Variants in HIP1 observed in about 807,000 individuals in gnomAD.
The protein encoded by HIP1 is huntingtin interacting protein 1, also known as huntingtin-interacting protein 1.
Under a neutral mutation model 147.6 loss-of-function variants are expected in HIP1, and 65 were observed. The ratio of observed to expected loss-of-function variants is 0.44; its 90% CI spans 0.36 to 0.54. HIP1 has a LOEUF of 0.54. Ranked by LOEUF, HIP1 falls within the 20% of genes least tolerant of loss-of-function variation. HIP1 has a pLI of 0.00. For missense variants in HIP1, 1,061 were observed against 1,299.6 expected, an observed-to-expected ratio of 0.82 and a Z score of 2.82; for synonymous variants, 479 against 504.0, an observed-to-expected ratio of 0.95 and a Z score of 0.67.
At chr7:75,635,478 T>TAAGGCAGGAGAATCGCTTG (rs1554509514) in intron 1 of HIP1, among the ~76,000 whole-genome samples, 2 of 148,376 alleles carry the variant, frequency 1.3e-5, no homozygotes, top group East Asian at 4.0e-4. Flanking sequence ...CTCGGGAGGC[T>TAAGGCAGGAGAATCGCTTG]AAGGCAGGAG....
At chr7:75,564,989 G>A (rs111647436) in intron 9 of HIP1, among the ~76,000 whole-genome samples, 4,840 of 152,128 alleles carry the variant, frequency 0.032, 120 homozygotes, top group Middle Eastern at 0.089. Context: ...TCAACCTCCT[G>A]GGCTCAAGCG....
intron 17 of HIP1, among the ~76,000 whole-genome samples, 161 bp downstream of exon 17, chr7:75,556,549 G>C (rs947798001): frequency 2.0e-5 from 3 of 152,170 alleles, no homozygotes; most frequent in Non-Finnish European, 2.9e-5. Flanking sequence ...GCCAGGTGTA[G>C]GGGTGTGTGC....
chr7:75,691,616 T>G (rs1800455899), intron 1 of HIP1, among the ~76,000 whole-genome samples: 1 of 151,714 alleles, frequency 6.6e-6, no homozygotes. Context: ...CTGGCCAGCA[T>G]GGTGAAACCC....
intron 1 of HIP1, among the ~76,000 whole-genome samples, chr7:75,720,777 G>A (rs1040595063): frequency 3.3e-5 from 5 of 151,750 alleles, no homozygotes; most frequent in African/African-American, 4.8e-5. Flanking sequence ...GGTGGCTCAC[G>A]CCTATAATCC....
intron 17 of HIP1, 43 bp downstream of exon 17, chr7:75,556,667 C>G (rs1795016038): frequency 8.0e-7 from 1 of 1,252,384 alleles, no homozygotes; most frequent in South Asian, 1.2e-5. Flanking sequence ...ACCTGAGTGA[C>G]AGAAGAAGAC....
intron 30 of HIP1, 116 bp downstream of exon 30, chr7:75,539,207 G>T: frequency 1.4e-6 from 1 of 704,644 alleles, no homozygotes; most frequent in Non-Finnish European, 2.5e-6. Context: ...GAGAAGAGAA[G>T]GAAGAAGCCA....
At chr7:75,632,951 A>G (rs1185655148) in intron 1 of HIP1, among the ~76,000 whole-genome samples, 9 of 152,210 alleles carry the variant, frequency 5.9e-5, no homozygotes, top group Admixed American at 1.3e-4. Flanking sequence ...GTAGGACCTG[A>G]GTGATGAGAA....
chr7:75,645,373 TGCACCACC>T (rs1421532152), intron 1 of HIP1, among the ~76,000 whole-genome samples: 3 of 152,010 alleles, frequency 2.0e-5, no homozygotes, highest in African/African-American at 7.2e-5. Flanking sequence ...ATTATAGGCA[TGCACCACC>T]ACACCCAGCT....
Position 75,595,226 on chromosome 7 carries a change from T to TCC in HIP1, c.185-2713_185-2712insGG, listed in dbSNP as rs1554501653. 1.8e-4 allele frequency among the ~76,000 whole-genome samples: 19 copies of TCC among 103,728 alleles called. No homozygotes were observed. In the East Asian group the frequency reaches 2.3e-3, roughly 13 times the overall value. 68.0% of individuals were successfully genotyped at this position (103,728 alleles called of 152,430 possible). A position where few individuals can be genotyped will look rare whatever the true frequency, so the allele number is the denominator to read the frequency against. On this transcript the variant is annotated intron_variant, in intron 2 of 30. Transcript: ENST00000336926. ...TTTCTTTCTTTCTTTCTTTCTTTCT[T>TCC]TCTTTCTTTCTTTCTTTCTTTCTTT...
chr7:75,655,586 AAAAAG>A lies in HIP1; in HGVS notation c.121-56344_121-56340del, dbSNP rs1204729555. Among the ~76,000 whole-genome samples the A allele has an allele frequency of 1.1e-3, 168 of 150,834 alleles. 1 individual carries two copies. The highest frequency in any genetic ancestry group is 9.9e-4 in the Non-Finnish European group (67 of 67,542). ...GACAGAGTGAGCTCTGTCTCAAAAA[AAAAAG>A]AAAAGAAAAGAAAAGAAAAAGACAA... On this transcript the variant is annotated intron_variant, in intron 1 of 30. Transcript: ENST00000336926.
chr7:75,611,781 T>C (rs1797446913), intron 1 of HIP1: 2 of 1,037,476 alleles, frequency 1.9e-6, no homozygotes, highest in Non-Finnish European at 2.3e-6. Flanking sequence ...AGGGTGGCAT[T>C]GTCCACCACT....
chr7:75,550,205 T>C (rs1794731305), intron 22 of HIP1, among the ~76,000 whole-genome samples: 1 of 152,128 alleles, frequency 6.6e-6, no homozygotes, highest in Admixed American at 6.6e-5. Flanking sequence ...CATACTAAGG[T>C]ATAAAATATA....
intron 29 of HIP1, among the ~76,000 whole-genome samples, chr7:75,539,864 CCT>C (rs1235412280): frequency 6.6e-6 from 1 of 152,152 alleles, no homozygotes; most frequent in African/African-American, 2.4e-5. Flanking sequence ...ATCTTCTGTT[CCT>C]CTGAGAAATC....
At chr7:75,599,086 C>T in intron 2 of HIP1, 98 bp downstream of exon 2, 1 of 890,332 alleles carries the variant, frequency 1.1e-6, no homozygotes, top group Non-Finnish European at 1.9e-6. Flanking sequence ...CAGGGTTGCC[C>T]CTTCCTGGAG....
chr7:75,675,923 G>A (rs1199521758), intron 1 of HIP1, among the ~76,000 whole-genome samples: 4 of 152,240 alleles, frequency 2.6e-5, no homozygotes, highest in Admixed American at 6.5e-5. Context: ...ATAAATTGTC[G>A]AATAATTCCA....
intron 23 of HIP1, 51 bp from the exon 24 acceptor site, chr7:75,547,864 A>G (rs1794630862): frequency 2.0e-6 from 3 of 1,501,544 alleles, no homozygotes; most frequent in Non-Finnish European, 2.8e-6. Context: ...TTAAGGATCC[A>G]CTAATGTCTT....
intron 22 of HIP1, 61 bp downstream of exon 22, chr7:75,553,388 GGCCA>G: frequency 1.3e-6 from 2 of 1,559,668 alleles, no homozygotes; most frequent in Non-Finnish European, 1.8e-6. Flanking sequence ...CCGATTCCCT[GGCCA>G]TTCACCAGCA....
At chr7:75,637,239 A>G (rs987624444) in intron 1 of HIP1, among the ~76,000 whole-genome samples, 4 of 152,216 alleles carry the variant, frequency 2.6e-5, no homozygotes, top group African/African-American at 9.6e-5. Context: ...TATAGAAATT[A>G]TGAGAATTAA....
At chr7:75,598,725 C>A (rs964734846) in intron 2 of HIP1, among the ~76,000 whole-genome samples, 1 of 151,888 alleles carries the variant, frequency 6.6e-6, no homozygotes, top group South Asian at 2.1e-4. Flanking sequence ...GAGCAATACC[C>A]CATCTCTAAA....
Sources: allele counts gnomAD v4.1 joint callset (sites outside exome capture counted in the v4.1 genomes callset), GRCh38; gene constraint gnomAD v4.1.1; transcripts MANE v1.5; gene names NCBI Gene and HGNC (gene_info 2026-07-23, HGNC 2026-07-21).